The following TGFBR3L variants were observed in gnomAD, a reference collection of about 807,000 sequenced individuals.
TGFBR3L encodes the protein transforming growth factor-beta receptor type 3-like protein.
In TGFBR3L, 21 loss-of-function variants were observed where a neutral mutation model predicts 20.4. The observed-to-expected ratio is 1.03, with a 90% confidence interval of 0.73 to 1.48. The LOEUF (loss-of-function observed/expected upper bound fraction) is 1.48, where lower values mean the gene tolerates loss of function less well. Among genes scored for constraint, TGFBR3L ranks in the 40% most tolerant of loss-of-function variants. The pLI is 0.00. For missense variants in TGFBR3L, 479 were observed against 498.0 expected (o/e 0.96, Z 0.36); for synonymous variants, 245 against 244.2 (o/e 1.00, Z -0.03).
At position 7,918,086 on chromosome 19, in the gene TGFBR3L, G is replaced by A. The variant is rs1189182946; in HGVS notation, c.913G>A (p.Ala305Thr). 1.3e-6 allele frequency: 2 copies of A among 1,535,720 alleles called. No individual in the cohort carries two copies. The highest frequency in any genetic ancestry group is 1.7e-6 in the Non-Finnish European group (2 of 1,146,752). ...CCACGCCCCTGGCCCGCCCGCGAGA[G>A]CCTCGCCCAGCGGTCCCCAGCCCAG... The change falls in exon 5 of 6, where the codon GCC becomes ACC. Residue 305 changes from alanine (A) to threonine (T), a missense_variant. Physicochemically the swap from Ala to Thr is moderately conservative, Grantham distance 58. Coordinates refer to ENST00000565886, the MANE Select transcript of TGFBR3L (RefSeq NM_001195259.2).
In TGFBR3L at chr19:7,917,593, C is replaced by A; in HGVS notation, c.718C>A (p.Pro240Thr). The change falls in exon 3 of 6, where the codon CCC becomes ACC. Residue 240 changes from proline to threonine, a missense_variant. Coordinates refer to ENST00000565886, the MANE Select transcript of TGFBR3L (RefSeq NM_001195259.2). ...TATCGTGGTCACCGTGCCGCGGCCG[C>A]CCCCCAGTGAGCACGCAGTCCTCCT... The A allele has an allele frequency of 6.8e-7, 1 of 1,476,114 alleles. No individual in the cohort carries two copies. The highest frequency in any genetic ancestry group is 1.4e-5 in the African/African-American group (1 of 70,254). The allele number at this position is 1,476,114 out of a possible 1,614,324, so 91.4% of individuals were successfully genotyped here. A position where few individuals can be genotyped will look rare whatever the true frequency, so the allele number is the denominator to read the frequency against.
chr19:7,916,946 C>A lies in TGFBR3L; in HGVS notation c.597+4C>A. The A allele has an allele frequency of 1.2e-5, 15 of 1,283,350 alleles. No homozygotes were observed. The South Asian group carries it at 3.6e-4, about 31-fold the overall frequency. The allele number at this position is 1,283,350 out of a possible 1,614,324, so 79.5% of individuals were successfully genotyped here. A position where few individuals can be genotyped will look rare whatever the true frequency, so the allele number is the denominator to read the frequency against. On this transcript the variant is annotated splice_donor_region_variant and intron_variant, in intron 2 of 5. Transcript: ENST00000565886. ...GCCGCCGCCGCCGCCATCGCGGGTG[C>A]GCGGGCGCAGAGCCTGGAATCCGGG...
Position 7,918,079 on chromosome 19 carries a change from C to A in TGFBR3L, c.906C>A (p.Pro302=), listed in dbSNP as rs991474825. 2.0e-5 allele frequency: 30 copies of A among 1,535,652 alleles called. No homozygotes were observed. Among genetic ancestry groups the A allele is most frequent in the Non-Finnish European group, 2.6e-5 (30 of 1,146,744 alleles). ...CAGCGCCCCACGCCCCTGGCCCGCC[C>A]GCGAGAGCCTCGCCCAGCGGTCCCC... The change falls in exon 5 of 6, where the codon CCC becomes CCA. Residue 302 remains proline (P), a synonymous_variant. Coordinates refer to ENST00000565886, the MANE Select transcript of TGFBR3L (RefSeq NM_001195259.2).
rs1401491950 is a variant in TGFBR3L at position 7,916,152 on chromosome 19, G to C, written c.-116G>C. 7.0e-7 allele frequency: 1 copy of C among 1,437,326 alleles called. No homozygotes were observed. Among genetic ancestry groups the C allele is most frequent in the African/African-American group, 1.4e-5 (1 of 69,478 alleles). 89.0% of individuals were successfully genotyped at this position (1,437,326 alleles called of 1,614,324 possible). A position where few individuals can be genotyped will look rare whatever the true frequency, so the allele number is the denominator to read the frequency against. On this transcript the variant is annotated 5_prime_UTR_variant, in exon 1 of 6. Coordinates refer to ENST00000565886, the MANE Select transcript of TGFBR3L (RefSeq NM_001195259.2). ...CCCAGGGAGGGCTTCGCCAGCTTCG[G>C]AGGCTTCTCTAGGGGCGCATGGCTC... is the stretch of plus-strand genomic sequence containing the variant.
In TGFBR3L at chr19:7,916,929, C is replaced by T. The variant is rs902402248; in HGVS notation, c.584C>T (p.Pro195Leu). ...GCGCCTCTGACGCCGCCGCCGCCGC[C>T]GCCGCCATCGCGGGTGCGCGGGCGC... is the stretch of plus-strand genomic sequence containing the variant. Residue 195 changes from proline (P) to leucine (L), a missense_variant, in exon 2 of 6, where the codon CCG (proline) becomes CTG (leucine). Pro to Leu is a moderately conservative substitution (Grantham distance 98, BLOSUM62 -3). Coordinates refer to ENST00000565886, the MANE Select transcript of TGFBR3L (RefSeq NM_001195259.2). 12 of 1,292,210 alleles carry T rather than the reference C, an allele frequency of 9.3e-6. No individual in the cohort carries two copies. The Admixed American group carries it at 2.1e-4, about 23-fold the overall frequency. The allele number at this position is 1,292,210 out of a possible 1,614,324, so 80.0% of individuals were successfully genotyped here.
At position 7,917,503 on chromosome 19, in the gene TGFBR3L, A is replaced by C. The variant is rs1285740578; in HGVS notation, c.628A>C (p.Thr210Pro). 1.3e-6 allele frequency: 2 copies of C among 1,526,142 alleles called. No homozygotes were observed. Among genetic ancestry groups the C allele is most frequent in the East Asian group, 2.6e-5 (1 of 39,050 alleles). The allele number at this position is 1,526,142 out of a possible 1,614,324, so 94.5% of individuals were successfully genotyped here. A position where few individuals can be genotyped will look rare whatever the true frequency, so the allele number is the denominator to read the frequency against. The stretch of plus-strand genomic sequence containing the variant: ...GCCTCAGGACGAGGCGTGCGCCGAC[A>C]CTGGCAGTGGCAGCGCCGAGGGCCT... The change falls in exon 3 of 6, where the codon ACT (threonine) becomes CCT (proline). Residue 210 changes from threonine to proline, a missense_variant. By Grantham distance (38) the Thr-to-Pro change is conservative. Transcript: ENST00000565886.
chr19:7,918,768 G>A (rs920955067), intron 5 of TGFBR3L, 149 bp from the exon 7 acceptor site: 4 of 396,940 alleles, frequency 1.0e-5, no homozygotes, highest in African/African-American at 2.1e-5. Flanking sequence ...GGTGAGGAGA[G>A]GCACTAGGCG....
chr19:7,918,941 C>T lies in TGFBR3L; in HGVS notation c.*30C>T. The T allele has an allele frequency of 2.5e-6, 1 of 398,618 alleles. No individual in the cohort carries two copies. Among genetic ancestry groups the T allele is most frequent in the Non-Finnish European group, 4.4e-6 (1 of 226,078 alleles). The allele number at this position is 398,618 out of a possible 1,614,324, so 24.7% of individuals were successfully genotyped here. A position where few individuals can be genotyped will look rare whatever the true frequency, so the allele number is the denominator to read the frequency against. Reference sequence around the variant, plus strand: ...GGGATGGTGCGCCCCCAACATGGTCCGGAGATACACCCAGCTACCAATTCG... The same window carrying T: ...GGGATGGTGCGCCCCCAACATGGTCTGGAGATACACCCAGCTACCAATTCG... On this transcript the variant is annotated 3_prime_UTR_variant, in exon 6 of 6. Coordinates refer to ENST00000565886, the MANE Select transcript of TGFBR3L (RefSeq NM_001195259.2).
intron 5 of TGFBR3L, chr19:7,918,551 A>T (rs1224182713): frequency 3.5e-6 from 1 of 286,342 alleles, no homozygotes; most frequent in African/African-American, 2.2e-5. Context: ...GCACTGTTGT[A>T]AATGTTTTAC....
rs1269661736 is a variant in TGFBR3L at position 7,918,080 on chromosome 19, G to C, written c.907G>C (p.Ala303Pro). The change falls in exon 5 of 6, where the codon GCG becomes CCG. Residue 303 changes from alanine (A) to proline (P), a missense_variant. By Grantham distance (27) the Ala-to-Pro change is conservative. Transcript: ENST00000565886. ...AGCGCCCCACGCCCCTGGCCCGCCC[G>C]CGAGAGCCTCGCCCAGCGGTCCCCA... 2 of 1,535,626 alleles carry C rather than the reference G, an allele frequency of 1.3e-6. No homozygotes were observed. The highest frequency in any genetic ancestry group is 1.7e-6 in the Non-Finnish European group (2 of 1,146,718).
rs1323302460 is a variant in TGFBR3L, at chr19:7,914,928, G to A, written c.-1340G>A. Reference sequence around the variant, plus strand: ...CCTTACCCAGCGGGCCACCTGGTATGTATGGGCAGGGAGGTGACGGGTCTG... The same window carrying A: ...CCTTACCCAGCGGGCCACCTGGTATATATGGGCAGGGAGGTGACGGGTCTG... On this transcript the variant is annotated 5_prime_UTR_variant, in exon 1 of 6. Transcript: ENST00000565886. Among the ~76,000 whole-genome samples, 1 of 152,226 alleles carries A rather than the reference G, an allele frequency of 6.6e-6. No homozygotes were observed. The highest frequency in any genetic ancestry group is 6.5e-5 in the Admixed American group (1 of 15,286).
rs1983230223 is a variant in TGFBR3L, at chr19:7,915,293, A to G, written c.-975A>G. On this transcript the variant is annotated 5_prime_UTR_variant, in exon 1 of 6. Transcript: ENST00000565886. ...GCCCCACCGATGTCACTCTCTTTCA[A>G]CTAGACCTTTGGTGGTGGTCCTCAT... Among the ~76,000 whole-genome samples, 1 of 151,252 alleles carries G rather than the reference A, an allele frequency of 6.6e-6. No homozygotes were observed. Among genetic ancestry groups the G allele is most frequent in the South Asian group, 2.1e-4 (1 of 4,804 alleles).
chr19:7,916,408 T>A lies in TGFBR3L; in HGVS notation c.141T>A (p.Ala47=). 6.5e-7 allele frequency: 1 copy of A among 1,534,714 alleles called. No homozygotes were observed. Among genetic ancestry groups the A allele is most frequent in the South Asian group, 1.2e-5 (1 of 83,998 alleles). ...GGCCGCCCTTCCCCGCCCCGCCAGC[T>A]CCCCCGTTCCCCGCGGCGCCCGGCC... The change falls in exon 1 of 6, where the codon GCT becomes GCA. Residue 47 remains alanine, a synonymous_variant. Coordinates refer to ENST00000565886, the MANE Select transcript of TGFBR3L (RefSeq NM_001195259.2).
chr19:7,915,607 G>C lies in TGFBR3L; in HGVS notation c.-661G>C, dbSNP rs552021001. Among the ~76,000 whole-genome samples the C allele has an allele frequency of 3.3e-5, 5 of 152,284 alleles. No homozygotes were observed. In the South Asian group the frequency reaches 1.0e-3, roughly 32 times the overall value. Reference sequence around the variant, plus strand: ...ATAGACCCCGTATGGCCGTGGTAGCGAGTGGCTGTGGTCATAGCTACTCGA... The same window carrying C: ...ATAGACCCCGTATGGCCGTGGTAGCCAGTGGCTGTGGTCATAGCTACTCGA... On this transcript the variant is annotated 5_prime_UTR_variant, in exon 1 of 6. Coordinates refer to ENST00000565886, the MANE Select transcript of TGFBR3L (RefSeq NM_001195259.2).
chr19:7,917,003 G>A, intron 2 of TGFBR3L, 61 bp downstream of exon 3: 2 of 1,259,148 alleles, frequency 1.6e-6, no homozygotes, highest in Non-Finnish European at 2.0e-6. Context: ...GGGCACGGGC[G>A]ACTCTGGCAG....
At position 7,916,795 on chromosome 19, in the gene TGFBR3L, C is replaced by T; in HGVS notation, c.450C>T (p.Arg150=). ...CGCCGCCGAGCCCGGGTGCCGCCCGCCCCGCGCGTTTCAGCTTCCGCCTGC... is the reference window on the plus strand; with the variant it reads ...CGCCGCCGAGCCCGGGTGCCGCCCGTCCCGCGCGTTTCAGCTTCCGCCTGC... The change falls in exon 2 of 6, where the codon CGC becomes CGT. Residue 150 remains arginine, a synonymous_variant. Transcript: ENST00000565886. 2 of 1,487,888 alleles carry T rather than the reference C, an allele frequency of 1.3e-6. No homozygotes were observed. The highest frequency in any genetic ancestry group is 1.8e-6 in the Non-Finnish European group (2 of 1,124,482). The allele number at this position is 1,487,888 out of a possible 1,614,324, so 92.2% of individuals were successfully genotyped here.
In TGFBR3L at chr19:7,916,442, C is replaced by T. The variant is rs1983298300; in HGVS notation, c.175C>T (p.Arg59Cys). 6.5e-7 allele frequency: 1 copy of T among 1,534,546 alleles called. No homozygotes were observed. Among genetic ancestry groups the T allele is most frequent in the Non-Finnish European group, 8.7e-7 (1 of 1,146,176 alleles). ...CCCCGCGGCGCCCGGCCCCTGGCTG[C>T]GCAGACCCCTCTTCAGCCTGAAGCT... Residue 59 changes from arginine (R) to cysteine (C), a missense_variant, in exon 1 of 6, where the codon CGC becomes TGC. Physicochemically the swap from Arg to Cys is radical, Grantham distance 180 (BLOSUM62 -3). Transcript: ENST00000565886.
In TGFBR3L at chr19:7,918,046, C is replaced by T. The variant is rs1432811225; in HGVS notation, c.884-11C>T. The T allele has an allele frequency of 1.3e-6, 2 of 1,533,352 alleles. No homozygotes were observed. The highest frequency in any genetic ancestry group is 4.9e-5 in the East Asian group (2 of 40,826). The allele number at this position is 1,533,352 out of a possible 1,614,324, so 95.0% of individuals were successfully genotyped here. A position where few individuals can be genotyped will look rare whatever the true frequency, so the allele number is the denominator to read the frequency against. ...GCAGCAGCCCTTCTGCAGCTCGCCTCTCCCTTCCAGCGCCCCACGCCCCTG... is the reference window on the plus strand; with the variant it reads ...GCAGCAGCCCTTCTGCAGCTCGCCTTTCCCTTCCAGCGCCCCACGCCCCTG... On this transcript the variant is annotated splice_polypyrimidine_tract_variant and intron_variant, in intron 4 of 5. Coordinates refer to ENST00000565886, the MANE Select transcript of TGFBR3L (RefSeq NM_001195259.2).
At chr19:7,918,191 G>A in intron 5 of TGFBR3L, 62 bp downstream of exon 6, 1 of 1,486,926 alleles carries the variant, frequency 6.7e-7, no homozygotes, top group South Asian at 1.2e-5. Context: ...GCTTCCTAGC[G>A]CTTAGTTCGT....
Sources: gnomAD v4.1 joint callset for allele counts (sites outside exome capture counted in the v4.1 genomes callset) on GRCh38, gnomAD v4.1.1 for gene constraint, MANE v1.5 for transcripts, NCBI Gene and HGNC (gene_info 2026-07-23, HGNC 2026-07-21) for gene names.